Variants in RFX3 observed in about 807,000 individuals in gnomAD.
RFX3 encodes regulatory factor X3, also known as transcription factor RFX3.
RFX3 carries 14 observed loss-of-function variants against 98.6 expected under a neutral mutation model. That is an observed-to-expected ratio of 0.14 (90% CI 0.09 to 0.22). The LOEUF is 0.22. Ranked by LOEUF, RFX3 falls within the 10% of genes least tolerant of loss-of-function variation. The pLI is 1.00. For synonymous variants in RFX3, 383 were observed against 328.4 expected, an observed-to-expected ratio of 1.17 and a Z score of -1.80; for missense variants, 639 against 926.9, an observed-to-expected ratio of 0.69 and a Z score of 4.03.
intron 1 of RFX3, among the ~76,000 whole-genome samples, chr9:3,429,269 G>A (rs1325272568): frequency 1.3e-5 from 2 of 150,876 alleles, no homozygotes; most frequent in African/African-American, 2.4e-5. Flanking sequence ...TGATCCGCCC[G>A]TCTCGGCCTC....
At chr9:3,304,102 C>A (rs867974590) in intron 4 of RFX3, among the ~76,000 whole-genome samples, 4 of 151,920 alleles carry the variant, frequency 2.6e-5, no homozygotes, top group Non-Finnish European at 5.9e-5. Flanking sequence ...TGGAAACCCA[C>A]GGGCTTCCAA....
intron 1 of RFX3, among the ~76,000 whole-genome samples, chr9:3,504,981 TATA>T (rs1242946452): frequency 6.2e-5 from 2 of 32,430 alleles, no homozygotes; most frequent in Non-Finnish European, 1.3e-4. Context: ...TATTATATAA[TATA>T]TATGTTATAT....
At chr9:3,345,107 G>C (rs1038761780) in intron 3 of RFX3, among the ~76,000 whole-genome samples, 1 of 152,140 alleles carries the variant, frequency 6.6e-6, no homozygotes, top group Admixed American at 6.5e-5. Context: ...AAAGTCAGGG[G>C]ATAATGTTGC....
At chr9:3,412,296 A>T (rs2132192317) in intron 1 of RFX3, among the ~76,000 whole-genome samples, 2 of 152,338 alleles carry the variant, frequency 1.3e-5, no homozygotes, top group East Asian at 1.9e-4. Context: ...GGTGACCTTG[A>T]GTCATGGTTA....
In RFX3 at chr9:3,224,891, C is replaced by T. The variant is rs1817596216; in HGVS notation, c.*151G>A. 2 of 718,620 alleles carry T rather than the reference C, an allele frequency of 2.8e-6. No homozygotes were observed. Among genetic ancestry groups the T allele is most frequent in the African/African-American group, 1.8e-5 (1 of 56,888 alleles). 44.5% of individuals were successfully genotyped at this position (718,620 alleles called of 1,614,324 possible). On this transcript the variant is annotated 3_prime_UTR_variant, in exon 17 of 17. Coordinates refer to ENST00000617270, the MANE Select transcript of RFX3 (RefSeq NM_001282116.2). ...TTAAAAAAAAAGATCTGGCAAAATA[C>T]ATACACCCATTCCATTTCACAACTC...
At chr9:3,371,145 G>T (rs1053677508) in intron 2 of RFX3, among the ~76,000 whole-genome samples, 2 of 152,142 alleles carry the variant, frequency 1.3e-5, no homozygotes, top group East Asian at 1.9e-4. Context: ...GCTATCAAGG[G>T]TAAGTTCTCT....
At chr9:3,388,425 A>G (rs1291094595) in intron 2 of RFX3, among the ~76,000 whole-genome samples, 2 of 152,158 alleles carry the variant, frequency 1.3e-5, no homozygotes, top group African/African-American at 4.8e-5. Context: ...CCACAAGGAT[A>G]ATATGCTCAG....
intron 3 of RFX3, 75 bp from the exon 4 acceptor site, chr9:3,330,592 T>A: frequency 7.4e-7 from 1 of 1,354,500 alleles, no homozygotes; most frequent in East Asian, 2.4e-5. Context: ...AATATGAATG[T>A]AATTGAAATA....
At chr9:3,383,237 G>T (rs1839379267) in intron 2 of RFX3, among the ~76,000 whole-genome samples, 1 of 151,976 alleles carries the variant, frequency 6.6e-6, no homozygotes, top group African/African-American at 2.4e-5. Context: ...GAGGTTCAAG[G>T]ATCACTTTTT....
At chr9:3,483,267 C>T (rs1433915353) in intron 1 of RFX3, among the ~76,000 whole-genome samples, 1 of 152,066 alleles carries the variant, frequency 6.6e-6, no homozygotes. Flanking sequence ...GGGAGTGATT[C>T]TAATGCCATT....
chr9:3,426,296 T>G (rs1844020828), intron 1 of RFX3, among the ~76,000 whole-genome samples: 1 of 152,162 alleles, frequency 6.6e-6, no homozygotes, highest in South Asian at 2.1e-4. Context: ...GTCAGTGTAA[T>G]TAGCATATCC....
intron 15 of RFX3, among the ~76,000 whole-genome samples, chr9:3,239,708 A>C (rs989976486): frequency 1.3e-5 from 2 of 152,138 alleles, no homozygotes; most frequent in Non-Finnish European, 1.5e-5. Context: ...CCAAAGCAAG[A>C]GGGGCCTTTG....
At chr9:3,525,499 GGCCGGGGCCGGCGGGCGGCGCGGC>G (rs1819185432) in intron 1 of RFX3, among the ~76,000 whole-genome samples, 1 of 151,868 alleles carries the variant, frequency 6.6e-6, no homozygotes, top group Admixed American at 6.6e-5. Context: ...GCCGGCGCAG[GGCCGGGGCCGGCGGGCGGCGCGGC>G]GCCCACACCC....
chr9:3,251,523 G>T (rs1586742645), intron 14 of RFX3, among the ~76,000 whole-genome samples: 2 of 151,876 alleles, frequency 1.3e-5, no homozygotes, highest in East Asian at 1.9e-4. Context: ...GTTAGAGATG[G>T]GGTCTCACTA....
intron 13 of RFX3, among the ~76,000 whole-genome samples, chr9:3,261,667 G>A (rs1822911895): frequency 1.3e-5 from 2 of 152,090 alleles, no homozygotes; most frequent in African/African-American, 4.8e-5. Context: ...ACAACAAGGA[G>A]TTGAACTGCT....
intron 2 of RFX3, among the ~76,000 whole-genome samples, chr9:3,385,729 A>T (rs1037758941): frequency 6.8e-6 from 1 of 147,908 alleles, no homozygotes; most frequent in East Asian, 2.0e-4. Flanking sequence ...AGAAAAGAAA[A>T]CTCCTTGCAA....
At chr9:3,374,136 T>C (rs540738439) in intron 2 of RFX3, among the ~76,000 whole-genome samples, 8 of 152,080 alleles carry the variant, frequency 5.3e-5, no homozygotes, top group Admixed American at 4.6e-4. Flanking sequence ...ACTACCACTT[T>C]ACATCCATTA....
rs1438707029 is a variant in RFX3 at position 3,220,330 on chromosome 9, T to A, written c.*4712A>T. 6.7e-6 allele frequency: 1 copy of A among 149,806 alleles called. No individual in the cohort carries two copies. Among genetic ancestry groups the A allele is most frequent in the African/African-American group, 2.5e-5 (1 of 39,254 alleles). 9.3% of individuals were successfully genotyped at this position (149,806 alleles called of 1,614,324 possible). On this transcript the variant is annotated 3_prime_UTR_variant, in exon 17 of 17. Transcript: ENST00000617270. ...AAATAAATGAGATCTTTTGATTCATTTTGGGAAAAAAAAGACAAAAAAAAA... is the reference window on the plus strand; with the variant it reads ...AAATAAATGAGATCTTTTGATTCATATTGGGAAAAAAAAGACAAAAAAAAA...
chr9:3,498,650 T>C (rs1407111520), intron 1 of RFX3, among the ~76,000 whole-genome samples: 1 of 152,074 alleles, frequency 6.6e-6, no homozygotes. Flanking sequence ...TTGGTACTAT[T>C]ATTGCTATTT....
Sources: allele counts gnomAD v4.1 joint callset (sites outside exome capture counted in the v4.1 genomes callset), GRCh38; gene constraint gnomAD v4.1.1; transcripts MANE v1.5; gene names NCBI Gene and HGNC (gene_info 2026-07-23, HGNC 2026-07-21).